DNAH14: variants seen among roughly 807,000 people sequenced by gnomAD.
DNAH14 encodes axonemal beta dynein heavy chain 14.
Under a neutral mutation model 520.9 loss-of-function variants are expected in DNAH14, and 478 were observed. The ratio of observed to expected loss-of-function variants is 0.92; its 90% CI spans 0.85 to 0.99. The LOEUF is 0.99. DNAH14 is among the 50% of genes least tolerant of loss of function. The pLI is 0.00. For synonymous variants in DNAH14, 1,581 were observed against 1,757.2 expected (o/e 0.90, Z 2.51); for missense variants, 4,831 against 5,234.5 (o/e 0.92, Z 2.38).
At chr1:225,252,553 A>T (rs926087569) in intron 44 of DNAH14, 136 bp downstream of exon 44, 3 of 553,498 alleles carry the variant, frequency 5.4e-6, no homozygotes, top group Middle Eastern at 4.8e-4. Context: ...TTGTGTAGAG[A>T]CCAGTTTAGA....
intron 26 of DNAH14, among the ~76,000 whole-genome samples, chr1:225,120,730 CAG>C (rs1280332930): frequency 6.6e-6 from 1 of 152,078 alleles, no homozygotes; most frequent in Non-Finnish European, 1.5e-5. Flanking sequence ...TGATAAGAAC[CAG>C]AGTTACCTTG....
intron 27 of DNAH14, 158 bp from the exon 28 acceptor site, chr1:225,140,610 C>A: frequency 1.7e-6 from 1 of 587,726 alleles, no homozygotes; most frequent in Non-Finnish European, 2.8e-6. Context: ...ATCTTTAGCC[C>A]TCAAATACAC....
At chr1:224,951,024 C>G (rs1257439571) in intron 1 of DNAH14, among the ~76,000 whole-genome samples, 1 of 151,948 alleles carries the variant, frequency 6.6e-6, no homozygotes, top group Non-Finnish European at 1.5e-5. Context: ...TACTCTTTGG[C>G]TCTTTTTATT....
intron 11 of DNAH14, among the ~76,000 whole-genome samples, chr1:225,025,410 C>T (rs2066026355): frequency 6.6e-6 from 1 of 151,624 alleles, no homozygotes; most frequent in African/African-American, 2.4e-5. Context: ...GCTAGTTTTA[C>T]TTAGTTGAGC....
At chr1:225,054,355 G>T (rs2148338534) in intron 17 of DNAH14, among the ~76,000 whole-genome samples, 1 of 152,164 alleles carries the variant, frequency 6.6e-6, no homozygotes, top group Middle Eastern at 3.4e-3. Context: ...AGTGACCAGA[G>T]GACTTTTATT....
intron 71 of DNAH14, among the ~76,000 whole-genome samples, chr1:225,346,946 A>G (rs2095294728): frequency 6.6e-6 from 1 of 152,168 alleles, no homozygotes; most frequent in African/African-American, 2.4e-5. Flanking sequence ...ACCTTCCCCC[A>G]CACCCCAATT....
intron 15 of DNAH14, among the ~76,000 whole-genome samples, chr1:225,047,787 C>T (rs1404663795): frequency 1.3e-5 from 2 of 152,206 alleles, no homozygotes; most frequent in Non-Finnish European, 2.9e-5. Flanking sequence ...CCAGTCCAAA[C>T]TTGTTTTCTA....
At chr1:225,188,801 G>A (rs556345702) in intron 37 of DNAH14, among the ~76,000 whole-genome samples, 1 of 151,978 alleles carries the variant, frequency 6.6e-6, no homozygotes, top group East Asian at 1.9e-4. Flanking sequence ...TAATAATAAA[G>A]TTTTCTGATT....
intron 1 of DNAH14, among the ~76,000 whole-genome samples, chr1:224,930,896 C>G (rs1340962562): frequency 6.6e-6 from 1 of 152,196 alleles, no homozygotes; most frequent in African/African-American, 2.4e-5. Flanking sequence ...CGGCGCCCGG[C>G]CTCTATACCA....
chr1:225,148,658 T>C (rs1025411072), intron 31 of DNAH14, among the ~76,000 whole-genome samples: 1 of 152,032 alleles, frequency 6.6e-6, no homozygotes, highest in South Asian at 2.1e-4. Flanking sequence ...CCTTGGCCTC[T>C]CAAAGTGCTG....
At chr1:225,382,345 A>G (rs2095793171) in intron 81 of DNAH14, among the ~76,000 whole-genome samples, 1 of 152,226 alleles carries the variant, frequency 6.6e-6, no homozygotes, top group Non-Finnish European at 1.5e-5. Flanking sequence ...TAGTTCCTCA[A>G]AAAGTTAAAC....
intron 36 of DNAH14, among the ~76,000 whole-genome samples, chr1:225,181,254 A>C (rs528633279): frequency 5.3e-5 from 8 of 152,286 alleles, no homozygotes; most frequent in African/African-American, 1.9e-4. Flanking sequence ...TTGATTTCAT[A>C]TCTTTGCTAC....
intron 6 of DNAH14, chr1:224,967,974 CTT>C: frequency 9.4e-7 from 1 of 1,067,654 alleles, no homozygotes; most frequent in Non-Finnish European, 1.1e-6. Context: ...CTTTTACACT[CTT>C]ATATAGCATT....
chr1:225,046,691 A>G (rs1047904927), intron 15 of DNAH14, among the ~76,000 whole-genome samples: 4 of 152,174 alleles, frequency 2.6e-5, no homozygotes, highest in Non-Finnish European at 5.9e-5. Context: ...TGTGTTAGTT[A>G]TTAGGTAGCT....
chr1:225,329,003 G>A (rs1300407305), intron 64 of DNAH14, among the ~76,000 whole-genome samples: 1 of 152,086 alleles, frequency 6.6e-6, no homozygotes, highest in Non-Finnish European at 1.5e-5. Context: ...CTTAAAAAAA[G>A]AGAAATTACC....
chr1:225,148,617 G>A (rs1344402164), intron 31 of DNAH14, among the ~76,000 whole-genome samples: 2 of 151,914 alleles, frequency 1.3e-5, no homozygotes, highest in Admixed American at 1.3e-4. Flanking sequence ...GGTCAGGCTG[G>A]TCTCAAACTC....
rs541383541 is a variant in DNAH14, at chr1:225,035,061, G to T, written c.1359-3633G>T. ...CTTTGATCTTTAAAATGTTTTTTTT[G>T]TGTGTGTGCATGTGTCTCAATTTCC... On this transcript the variant is annotated intron_variant, in intron 11 of 85. Transcript: ENST00000682510. 7.4e-3 allele frequency among the ~76,000 whole-genome samples: 770 copies of T among 104,128 alleles called. 6 individuals are homozygous for T. Among genetic ancestry groups the T allele is most frequent in the African/African-American group, 0.023 (720 of 31,976 alleles). The allele number at this position is 104,128 out of a possible 152,430, so 68.3% of individuals were successfully genotyped here.
At chr1:224,968,953 C>A in intron 7 of DNAH14, 79 bp downstream of exon 7, 1 of 934,892 alleles carries the variant, frequency 1.1e-6, no homozygotes, top group Non-Finnish European at 1.6e-6. Flanking sequence ...CATCTGGGTT[C>A]TACTACAGTA....
intron 3 of DNAH14, among the ~76,000 whole-genome samples, chr1:224,955,794 C>T (rs561580658): frequency 1.3e-5 from 2 of 152,190 alleles, no homozygotes; most frequent in Non-Finnish European, 2.9e-5. Context: ...CTCTTTTTGT[C>T]AGCACATAAA....
Sources: allele counts gnomAD v4.1 joint callset (sites outside exome capture counted in the v4.1 genomes callset), GRCh38; gene constraint gnomAD v4.1.1; transcripts MANE v1.5; gene names NCBI Gene and HGNC (gene_info 2026-07-23, HGNC 2026-07-21).